Variants in MOXD1 observed in about 807,000 individuals in gnomAD.
MOXD1 encodes monooxygenase DBH like 1, also known as DBH-like monooxygenase protein 1.
MOXD1 carries 62 observed loss-of-function variants against 66.6 expected under a neutral mutation model. That is an observed-to-expected ratio of 0.93 (90% CI 0.76 to 1.15). MOXD1 has a LOEUF of 1.15. MOXD1 is among the 50% of genes most tolerant of loss of function. The probability of loss-of-function intolerance (pLI) is 0.00; values close to 1 mark genes in which losing one functional copy is unlikely to be tolerated. For synonymous variants in MOXD1, 303 were observed against 281.9 expected (o/e 1.07, Z -0.75); for missense variants, 847 against 754.6 (o/e 1.12, Z -1.44).
intron 4 of MOXD1, among the ~76,000 whole-genome samples, chr6:132,347,959 G>C (rs1417223208): frequency 6.6e-6 from 1 of 151,754 alleles, no homozygotes; most frequent in African/African-American, 2.4e-5. Flanking sequence ...TTATAGAACA[G>C]TTCCATGAAA....
chr6:132,386,036 T>C (rs188691696), intron 1 of MOXD1, among the ~76,000 whole-genome samples: 1 of 116,138 alleles, frequency 8.6e-6, no homozygotes, highest in Admixed American at 8.5e-5. Context: ...CCAGGAGGCG[T>C]AGCTTGCAGT....
At chr6:132,376,218 T>C (rs556750387) in intron 1 of MOXD1, among the ~76,000 whole-genome samples, 1 of 152,354 alleles carries the variant, frequency 6.6e-6, no homozygotes, top group African/African-American at 2.4e-5. Flanking sequence ...TTATAATTAC[T>C]TTTGCTAACA....
At chr6:132,347,514 CA>C (rs1363915700) in intron 4 of MOXD1, among the ~76,000 whole-genome samples, 1 of 151,500 alleles carries the variant, frequency 6.6e-6, no homozygotes, top group Non-Finnish European at 1.5e-5. Flanking sequence ...CCATCTCTAC[CA>C]AAAATACAAA....
chr6:132,350,879 TTTTG>T (rs945814525), intron 4 of MOXD1, among the ~76,000 whole-genome samples: 5 of 152,040 alleles, frequency 3.3e-5, no homozygotes, highest in East Asian at 1.9e-4. Context: ...TTGTTTTTGT[TTTTG>T]TTTGTTTGTT....
chr6:132,340,481 A>G (rs1177543046), intron 4 of MOXD1, among the ~76,000 whole-genome samples: 1 of 145,886 alleles, frequency 6.9e-6, no homozygotes, highest in Non-Finnish European at 1.5e-5. Flanking sequence ...GAAATAGGTT[A>G]AGGTGGAAAT....
intron 4 of MOXD1, among the ~76,000 whole-genome samples, chr6:132,334,833 T>A (rs1775403090): frequency 1.3e-5 from 2 of 152,226 alleles, no homozygotes; most frequent in Non-Finnish European, 2.9e-5. Context: ...ATTTTATATA[T>A]TCATTTTTTA....
chr6:132,298,323 A>T (rs1774456390), intron 10 of MOXD1, among the ~76,000 whole-genome samples: 1 of 152,118 alleles, frequency 6.6e-6, no homozygotes, highest in African/African-American at 2.4e-5. Flanking sequence ...GCCCGGTCAA[A>T]ATTTAAACAA....
At chr6:132,363,376 C>A (rs1776053983) in intron 4 of MOXD1, among the ~76,000 whole-genome samples, 1 of 151,980 alleles carries the variant, frequency 6.6e-6, no homozygotes, top group African/African-American at 2.4e-5. Flanking sequence ...ATCTGTTATA[C>A]CTCAACAAAG....
intron 5 of MOXD1, 136 bp from the exon 6 acceptor site, chr6:132,328,251 A>C (rs1775232061): frequency 6.7e-6 from 8 of 1,196,746 alleles, no homozygotes; most frequent in Non-Finnish European, 1.2e-6. Flanking sequence ...AAATAAAATA[A>C]AAATGACTTA....
intron 1 of MOXD1, among the ~76,000 whole-genome samples, chr6:132,400,215 G>A (rs1485461056): frequency 6.6e-6 from 1 of 152,154 alleles, no homozygotes; most frequent in Non-Finnish European, 1.5e-5. Flanking sequence ...TACTATCAAA[G>A]CCTTAATGCA....
chr6:132,396,473 A>C (rs1288669001), intron 1 of MOXD1, among the ~76,000 whole-genome samples: 1 of 152,048 alleles, frequency 6.6e-6, no homozygotes, highest in African/African-American at 2.4e-5. Flanking sequence ...CCTAAAAAAA[A>C]CTAGAAGAAC....
Position 132,331,785 on chromosome 6 carries a change from G to A in MOXD1, c.664-3191C>T, listed in dbSNP as rs544483868. ...TAAACCAGGCTAGTGTGACCCCAAAGTCTGTACTTTCCTACGGCTACACAT... is the reference window on the plus strand; with the variant it reads ...TAAACCAGGCTAGTGTGACCCCAAAATCTGTACTTTCCTACGGCTACACAT... On this transcript the variant is annotated intron_variant, in intron 4 of 11. Transcript: ENST00000367963. Among the ~76,000 whole-genome samples the A allele has an allele frequency of 7.9e-5, 12 of 152,306 alleles. No individual in the cohort carries two copies. The East Asian group carries it at 2.1e-3, about 27-fold the overall frequency.
At chr6:132,398,458 T>C (rs1440652029) in intron 1 of MOXD1, among the ~76,000 whole-genome samples, 1 of 152,176 alleles carries the variant, frequency 6.6e-6, no homozygotes, top group Non-Finnish European at 1.5e-5. Context: ...GTGACTAGGA[T>C]AGCAACTTAG....
rs76660728 is a variant in MOXD1 at position 132,378,249 on chromosome 6, T to A, written c.265-3472A>T. Among the ~76,000 whole-genome samples, 795 of 152,312 alleles carry A rather than the reference T, an allele frequency of 5.2e-3. 9 individuals are homozygous for A. The highest frequency in any genetic ancestry group is 0.019 in the African/African-American group (775 of 41,562). ...CCAAATAATATTATTATTTAACATG[T>A]TTACTTCAGCTGGGCCCTCACTAAT... On this transcript the variant is annotated intron_variant, in intron 1 of 11. Coordinates refer to ENST00000367963, the MANE Select transcript of MOXD1 (RefSeq NM_015529.4).
At chr6:132,352,973 G>A (rs138576990) in intron 4 of MOXD1, among the ~76,000 whole-genome samples, 5,329 of 152,144 alleles carry the variant, frequency 0.035, 140 homozygotes, top group Middle Eastern at 0.088. Flanking sequence ...GCTTGCTTTT[G>A]ACGTCCATTT....
chr6:132,379,220 A>G (rs950063938), intron 1 of MOXD1, among the ~76,000 whole-genome samples: 1 of 152,146 alleles, frequency 6.6e-6, no homozygotes, highest in Admixed American at 6.5e-5. Context: ...TAGAAAATCA[A>G]TCAATATGAT....
chr6:132,366,589 C>T (rs961623524), intron 4 of MOXD1, among the ~76,000 whole-genome samples: 11 of 152,116 alleles, frequency 7.2e-5, no homozygotes, highest in African/African-American at 2.2e-4. Context: ...CTAATTCTGA[C>T]AGCCATAAAA....
chr6:132,317,597 C>T (rs62424860), intron 9 of MOXD1, among the ~76,000 whole-genome samples: 4,109 of 152,176 alleles, frequency 0.027, 81 homozygotes, highest in Non-Finnish European at 0.041. Flanking sequence ...ATCTGACATT[C>T]CCAGTGGCTG....
chr6:132,322,884 C>T lies in MOXD1; in HGVS notation c.1114-14G>A, dbSNP rs774909887. The T allele has an allele frequency of 2.2e-5, 35 of 1,599,298 alleles. No individual in the cohort carries two copies. The highest frequency in any genetic ancestry group is 1.3e-4 in the African/African-American group (10 of 74,076). ...GGCTTCCAGAGCCTACAGGAGACACCGAGGAAGACCCGATTAGCCCACATT... is the reference window on the plus strand; with the variant it reads ...GGCTTCCAGAGCCTACAGGAGACACTGAGGAAGACCCGATTAGCCCACATT... On this transcript the variant is annotated splice_polypyrimidine_tract_variant and intron_variant, in intron 7 of 11. Coordinates refer to ENST00000367963, the MANE Select transcript of MOXD1 (RefSeq NM_015529.4).
Sources: gnomAD v4.1 joint callset for allele counts (sites outside exome capture counted in the v4.1 genomes callset) on GRCh38, gnomAD v4.1.1 for gene constraint, MANE v1.5 for transcripts, NCBI Gene and HGNC (gene_info 2026-07-23, HGNC 2026-07-21) for gene names.